The following LMLN variants were observed in gnomAD, a reference collection of about 807,000 sequenced individuals.
The protein encoded by LMLN is leishmanolysin like peptidase.
Under a neutral mutation model 92.3 loss-of-function variants are expected in LMLN, and 70 were observed. The ratio of observed to expected loss-of-function variants is 0.76; its 90% CI spans 0.63 to 0.92. The LOEUF (loss-of-function observed/expected upper bound fraction) is 0.92. LMLN is among the 40% of genes least tolerant of loss of function. The pLI is 0.00. For synonymous variants in LMLN, 308 were observed against 296.2 expected, an observed-to-expected ratio of 1.04 and a Z score of -0.41; for missense variants, 691 against 814.6, an observed-to-expected ratio of 0.85 and a Z score of 1.85.
At chr3:197,963,989 A>G (rs1167823803) in intron 1 of LMLN, among the ~76,000 whole-genome samples, 1 of 152,206 alleles carries the variant, frequency 6.6e-6, no homozygotes, top group Non-Finnish European at 1.5e-5. Context: ...AATGGGGACA[A>G]ATTTTGTCAA....
intron 13 of LMLN, among the ~76,000 whole-genome samples, chr3:198,021,830 G>T (rs1722792129): frequency 6.6e-6 from 1 of 152,190 alleles, no homozygotes; most frequent in Admixed American, 6.5e-5. Context: ...ATGAATTAAT[G>T]TAGTAAGTGC....
chr3:197,976,599 C>A, exon 5 of LMLN: 1 of 1,550,348 alleles, frequency 6.5e-7, no homozygotes, highest in Non-Finnish European at 8.8e-7. Context: ...GGACTGAAGA[C>A]AATGTGCAAC....
chr3:198,043,504 T>C (rs931735556), exon 16 of LMLN: 12 of 152,648 alleles, frequency 7.9e-5, no homozygotes, highest in African/African-American at 2.9e-4. Flanking sequence ...AAGATTTTAA[T>C]GAAGTCTGTG....
rs140506821 is a variant in LMLN at position 197,996,905 on chromosome 3, C to T, written c.1155+623C>T. On this transcript the variant is annotated intron_variant, in intron 10 of 15. Transcript: ENST00000330198. ...CAAGCAGTCCTCCTGCCTCAGCCTC[C>T]GAAGTAGCTGGGACCACAGGCAAAC... Among the ~76,000 whole-genome samples, 678 of 152,270 alleles carry T rather than the reference C, an allele frequency of 4.5e-3. 2 individuals are homozygous for T. Among genetic ancestry groups the T allele is most frequent in the African/African-American group, 0.016 (655 of 41,560 alleles).
At chr3:198,029,048 C>T (rs1331982055) in intron 14 of LMLN, among the ~76,000 whole-genome samples, 4 of 152,194 alleles carry the variant, frequency 2.6e-5, no homozygotes, top group Non-Finnish European at 4.4e-5. Context: ...TTTAGGAGCC[C>T]TCTCTCAACA....
rs943939964 is a variant in LMLN at position 197,976,067 on chromosome 3, G to T, written c.387G>T (p.Lys129Asn). ...CACAAGCGATTTCTTATTTAGAGAA[G>T]ACTTTTCAGGTCCGTCGACCTGCGG... The change falls in exon 4 of 16, where the codon AAG (lysine) becomes AAT (asparagine). Residue 129 changes from lysine (K) to asparagine (N), a missense_variant. Around this residue, in one of 4 missense-constraint regions of LMLN, gnomAD observed 240 missense variants for 287.3 expected, o/e 0.84. Coordinates refer to ENST00000330198, the Ensembl canonical transcript of LMLN. 52 of 1,605,834 alleles carry T rather than the reference G, an allele frequency of 3.2e-5. No individual in the cohort carries two copies. Among genetic ancestry groups the T allele is most frequent in the Non-Finnish European group, 4.3e-5 (51 of 1,175,654 alleles).
intron 14 of LMLN, among the ~76,000 whole-genome samples, chr3:198,030,044 A>G (rs1244534124): frequency 2.0e-5 from 3 of 151,834 alleles, no homozygotes; most frequent in Admixed American, 6.6e-5. Context: ...GGGTTTCACC[A>G]TGTTGGCCAG....
rs71166715 is a variant in LMLN at position 198,020,768 on chromosome 3, A to ATTTTTTTTTTTTTTTTTT, written c.1366-663_1366-646dup. 4.6e-4 allele frequency among the ~76,000 whole-genome samples: 15 copies of ATTTTTTTTTTTTTTTTTT among 32,870 alleles called. 3 individuals are homozygous for ATTTTTTTTTTTTTTTTTT. Among genetic ancestry groups the ATTTTTTTTTTTTTTTTTT allele is most frequent in the Non-Finnish European group, 6.5e-4 (12 of 18,560 alleles). The allele number at this position is 32,870 out of a possible 152,430, so 21.6% of individuals were successfully genotyped here. On this transcript the variant is annotated intron_variant, in intron 12 of 15. Transcript: ENST00000330198. ...GCCACCACACCCAGCTAATTTTTGTATTTTTTTTTTTTTTTTTTTTTTTTT... is the reference window on the plus strand; with the variant it reads ...GCCACCACACCCAGCTAATTTTTGTATTTTTTTTTTTTTTTTTTTTTTTTTTTTTTTTTTTTTTTTTTT...
rs557827990 is a variant in LMLN at position 198,013,908 on chromosome 3, C to T, written c.1233-5345C>T. ...CCCTAACTAGTCTGACTTCTCTGTA[C>T]CCTTCAGAGCCCCCTAACTAGTCTG... On this transcript the variant is annotated intron_variant, in intron 11 of 15. Coordinates refer to ENST00000330198, the Ensembl canonical transcript of LMLN. 1.4e-4 allele frequency among the ~76,000 whole-genome samples: 19 copies of T among 140,072 alleles called. No individual in the cohort carries two copies. In the East Asian group the frequency reaches 3.7e-3, roughly 27 times the overall value. The allele number at this position is 140,072 out of a possible 152,430, so 91.9% of individuals were successfully genotyped here.
rs1029021858 is a variant in LMLN, at chr3:197,976,200, T to C, written c.431+89T>C. On this transcript the variant is annotated intron_variant, in intron 4 of 15. Coordinates refer to ENST00000330198, the Ensembl canonical transcript of LMLN. ...TGAACATGGCAAGGTATGAAACTTA[T>C]ACTAGAATTTTATTATGCTTGTTCT... 5.4e-6 allele frequency: 4 copies of C among 739,548 alleles called. No individual in the cohort carries two copies. In the African/African-American group the frequency reaches 7.3e-5, roughly 14 times the overall value. 45.8% of individuals were successfully genotyped at this position (739,548 alleles called of 1,614,324 possible).
At chr3:198,036,374 C>A (rs2109960085) in intron 15 of LMLN, among the ~76,000 whole-genome samples, 1 of 152,046 alleles carries the variant, frequency 6.6e-6, no homozygotes, top group East Asian at 1.9e-4. Context: ...TCATTAAATA[C>A]AAAAAGTAAT....
chr3:197,964,344 T>G (rs1028741615), intron 1 of LMLN, among the ~76,000 whole-genome samples: 7 of 152,102 alleles, frequency 4.6e-5, no homozygotes, highest in Non-Finnish European at 7.4e-5. Flanking sequence ...CTTCACAAAT[T>G]TTGACACTTT....
At chr3:197,976,665 G>T in exon 5 of LMLN, 1 of 1,593,466 alleles carries the variant, frequency 6.3e-7, no homozygotes, top group Non-Finnish European at 8.6e-7. Context: ...CGGGGAGTGT[G>T]CCGCACACAC....
intron 9 of LMLN, among the ~76,000 whole-genome samples, chr3:197,991,399 C>T (rs1159077114): frequency 6.6e-6 from 1 of 152,094 alleles, no homozygotes; most frequent in African/African-American, 2.4e-5. Context: ...AGTCACCACA[C>T]TTGGCCAAGA....
chr3:197,996,657 T>G (rs2109893825), intron 10 of LMLN: 1 of 154,504 alleles, frequency 6.5e-6, no homozygotes, highest in South Asian at 2.1e-4. Flanking sequence ...GAAAAACAAG[T>G]AAACAGATCA....
intron 1 of LMLN, among the ~76,000 whole-genome samples, chr3:197,971,911 G>A (rs1483559840): frequency 6.9e-6 from 1 of 144,424 alleles, no homozygotes; most frequent in Non-Finnish European, 1.5e-5. Flanking sequence ...CTATCTGCTA[G>A]ACTGCTTGGT....
chr3:197,977,709 C>T (rs1223184610), intron 5 of LMLN, among the ~76,000 whole-genome samples: 2 of 136,176 alleles, frequency 1.5e-5, no homozygotes, highest in Non-Finnish European at 3.2e-5. Flanking sequence ...TATAAAAAAT[C>T]ACCAAACAAT....
At chr3:198,029,426 C>T (rs534699520) in intron 14 of LMLN, among the ~76,000 whole-genome samples, 1 of 152,292 alleles carries the variant, frequency 6.6e-6, no homozygotes, top group Admixed American at 6.5e-5. Context: ...CCTGTAATCC[C>T]AGCACTTTGG....
At chr3:198,005,220 C>G (rs1320694506) in intron 11 of LMLN, among the ~76,000 whole-genome samples, 9 of 60,712 alleles carry the variant, frequency 1.5e-4, no homozygotes, top group Non-Finnish European at 2.2e-4. Flanking sequence ...ACATATCATA[C>G]GTAGTAAGTT....
Sources: allele counts gnomAD v4.1 joint callset (sites outside exome capture counted in the v4.1 genomes callset), GRCh38; gene constraint gnomAD v4.1.1; regional missense constraint gnomAD v4.1.1; transcripts MANE v1.5; gene names NCBI Gene and HGNC (gene_info 2026-07-23, HGNC 2026-07-21).